Variants in PLCB1 observed in about 807,000 individuals in gnomAD.
PLCB1 encodes the protein phospholipase C beta 1.
In PLCB1, 46 loss-of-function variants were observed where a neutral mutation model predicts 161.8. The observed-to-expected ratio is 0.28, with a 90% confidence interval of 0.22 to 0.36. The LOEUF (loss-of-function observed/expected upper bound fraction) is 0.36. Ranked by LOEUF, PLCB1 falls within the 10% of genes least tolerant of loss-of-function variation. The pLI, the probability that PLCB1 is intolerant of heterozygous loss-of-function variation, is 1.00. For synonymous variants in PLCB1, 517 were observed against 503.7 expected (o/e 1.03, Z -0.35); for missense variants, 1,016 against 1,472.5 (o/e 0.69, Z 5.07).
chr20:8,298,833 A>T (rs555114082), intron 2 of PLCB1, among the ~76,000 whole-genome samples: 24 of 152,322 alleles, frequency 1.6e-4, no homozygotes, highest in African/African-American at 5.5e-4. Context: ...GCAGCAGAGC[A>T]TCTAAAACAT....
chr20:8,198,223 G>A (rs1454016004), intron 2 of PLCB1, among the ~76,000 whole-genome samples: 1 of 152,074 alleles, frequency 6.6e-6, no homozygotes, highest in African/African-American at 2.4e-5. Context: ...TGATGGGGAT[G>A]GCATTGAATC....
At chr20:8,467,098 C>A (rs1981856333) in intron 3 of PLCB1, among the ~76,000 whole-genome samples, 1 of 152,080 alleles carries the variant, frequency 6.6e-6, no homozygotes, top group African/African-American at 2.4e-5. Flanking sequence ...TGCCACCATG[C>A]CCAACTAATT....
At chr20:8,277,940 A>G (rs930890921) in intron 2 of PLCB1, among the ~76,000 whole-genome samples, 3 of 152,138 alleles carry the variant, frequency 2.0e-5, no homozygotes, top group Admixed American at 1.3e-4. Flanking sequence ...GGTTTTTGGC[A>G]TATCTATCAA....
chr20:8,815,027 T>C (rs1345473627), intron 31 of PLCB1, among the ~76,000 whole-genome samples: 3 of 152,206 alleles, frequency 2.0e-5, no homozygotes, highest in Non-Finnish European at 4.4e-5. Context: ...GTAATGTCCA[T>C]TATCTAAAAA....
chr20:8,498,158 C>G (rs543086968), intron 3 of PLCB1, among the ~76,000 whole-genome samples: 1 of 152,264 alleles, frequency 6.6e-6, no homozygotes, highest in East Asian at 1.9e-4. Flanking sequence ...AGTGCAGTGG[C>G]ACGATCTCAG....
intron 3 of PLCB1, among the ~76,000 whole-genome samples, chr20:8,381,508 A>G (rs533788255): frequency 1.3e-5 from 2 of 152,308 alleles, no homozygotes; most frequent in East Asian, 1.9e-4. Context: ...GAATAGTTTC[A>G]GAAGGAATGG....
chr20:8,801,731 C>T (rs1294248438), intron 31 of PLCB1, among the ~76,000 whole-genome samples: 1 of 152,202 alleles, frequency 6.6e-6, no homozygotes, highest in Non-Finnish European at 1.5e-5. Context: ...TCATTCATCA[C>T]TATCTTTTCT....
chr20:8,609,094 T>C (rs553166930), intron 3 of PLCB1, among the ~76,000 whole-genome samples: 4 of 152,316 alleles, frequency 2.6e-5, no homozygotes, highest in Admixed American at 6.5e-5. Context: ...TTGAAAGTGT[T>C]AATTTCCTCC....
chr20:8,664,854 A>G (rs987553658), intron 9 of PLCB1, among the ~76,000 whole-genome samples: 1 of 152,168 alleles, frequency 6.6e-6, no homozygotes, highest in East Asian at 1.9e-4. Flanking sequence ...CAGTCCTAGT[A>G]TACAGAAATC....
At chr20:8,741,371 T>C (rs751151255) in intron 22 of PLCB1, 93 bp from the exon 23 acceptor site, 1 of 793,508 alleles carries the variant, frequency 1.3e-6, no homozygotes, top group Non-Finnish European at 2.1e-6. Context: ...AATGAATGCA[T>C]GGACTGATGG....
At chr20:8,251,058 C>T (rs1981113957) in intron 2 of PLCB1, among the ~76,000 whole-genome samples, 1 of 151,890 alleles carries the variant, frequency 6.6e-6, no homozygotes, top group Admixed American at 6.6e-5. Context: ...ATCAAGGGCA[C>T]CAGCAGAGTC....
intron 3 of PLCB1, among the ~76,000 whole-genome samples, chr20:8,430,549 G>A (rs1979994960): frequency 6.6e-6 from 1 of 152,226 alleles, no homozygotes. Flanking sequence ...CTAGTTGGGA[G>A]ATGTTAGGAG....
intron 11 of PLCB1, among the ~76,000 whole-genome samples, chr20:8,702,345 A>T (rs1978412944): frequency 1.3e-5 from 2 of 151,218 alleles, no homozygotes; most frequent in Non-Finnish European, 2.9e-5. Context: ...CCACCTACCC[A>T]CCTCCTTCCC....
At chr20:8,412,674 T>C (rs953548332) in intron 3 of PLCB1, among the ~76,000 whole-genome samples, 2 of 152,182 alleles carry the variant, frequency 1.3e-5, no homozygotes, top group Admixed American at 6.5e-5. Context: ...ATGGTTATCC[T>C]GAAGATTCAT....
rs150894286 is a variant in PLCB1, at chr20:8,152,859, C to A, written c.177+2488C>A. 6.2e-4 allele frequency among the ~76,000 whole-genome samples: 94 copies of A among 152,222 alleles called. 2 individuals carry two copies. In the East Asian group the frequency reaches 0.018, roughly 28 times the overall value. On this transcript the variant is annotated intron_variant, in intron 2 of 31. Transcript: ENST00000338037. ...CTCAGAGGTGAGCAGAAATCCCTAGCAGAGGGGATTTTACAAGTGTTTTTT... is the reference window on the plus strand; with the variant it reads ...CTCAGAGGTGAGCAGAAATCCCTAGAAGAGGGGATTTTACAAGTGTTTTTT...
rs565667670 is a variant in PLCB1 at position 8,470,398 on chromosome 20, C to T, written c.246+98948C>T. 1.6e-4 allele frequency among the ~76,000 whole-genome samples: 25 copies of T among 152,276 alleles called. 1 individual carries two copies. The highest frequency in any genetic ancestry group is 6.2e-4 in the South Asian group (3 of 4,832). ...CCACTAGCAGTGTATGATGATTCCA[C>T]GTTCTCCACATTCTCACCAGCTCTT... On this transcript the variant is annotated intron_variant, in intron 3 of 31. Coordinates refer to ENST00000338037, the MANE Select transcript of PLCB1 (RefSeq NM_015192.4).
intron 3 of PLCB1, chr20:8,372,149 T>G (rs1187713040): frequency 6.6e-6 from 1 of 152,216 alleles, no homozygotes; most frequent in Non-Finnish European, 1.5e-5. Context: ...AATTTAGTAC[T>G]TTACATACTT....
chr20:8,801,881 C>T (rs1464671818), intron 31 of PLCB1, among the ~76,000 whole-genome samples: 2 of 152,106 alleles, frequency 1.3e-5, no homozygotes, highest in African/African-American at 4.8e-5. Context: ...TGTGGGAGGC[C>T]AGGTGCCTTG....
At position 8,502,959 on chromosome 20, in the gene PLCB1, C is replaced by A. The variant is rs572631802; in HGVS notation, c.247-125335C>A. ...CTTCCACTCTACTCTGGCCAGTCAC[C>A]TCTCTTCATCAATCCTGGGGATGAC... On this transcript the variant is annotated intron_variant, in intron 3 of 31. Coordinates refer to ENST00000338037, the MANE Select transcript of PLCB1 (RefSeq NM_015192.4). Among the ~76,000 whole-genome samples the A allele has an allele frequency of 1.5e-4, 23 of 152,266 alleles. 1 individual carries two copies. The South Asian group carries it at 4.6e-3, about 30-fold the overall frequency.
Sources: allele counts gnomAD v4.1 joint callset (sites outside exome capture counted in the v4.1 genomes callset), GRCh38; gene constraint gnomAD v4.1.1; transcripts MANE v1.5; gene names NCBI Gene and HGNC (gene_info 2026-07-23, HGNC 2026-07-21).